The following RALGAPA2 variants were observed in gnomAD, a reference collection of about 807,000 sequenced individuals.
RALGAPA2 encodes Ral GTPase activating protein catalytic subunit alpha 2.
Under a neutral mutation model 230.4 loss-of-function variants are expected in RALGAPA2, and 139 were observed. That is an observed-to-expected ratio of 0.60 (90% confidence interval 0.53 to 0.69). The LOEUF (loss-of-function observed/expected upper bound fraction) is 0.69, where lower values mean the gene tolerates loss of function less well. Ranked by LOEUF, RALGAPA2 falls within the 30% of genes least tolerant of loss-of-function variation. The probability of loss-of-function intolerance (pLI) is 0.00; values close to 1 mark genes in which losing one functional copy is unlikely to be tolerated. For synonymous variants in RALGAPA2, 847 were observed against 837.8 expected (o/e 1.01, Z -0.19); for missense variants, 2,163 against 2,276.0 (o/e 0.95, Z 1.01).
At chr20:20,532,803 G>C (rs2063400472) in intron 26 of RALGAPA2, among the ~76,000 whole-genome samples, 1 of 152,186 alleles carries the variant, frequency 6.6e-6, no homozygotes, top group Non-Finnish European at 1.5e-5. Flanking sequence ...AGATTAGGTA[G>C]AGGAGGAGAG....
At chr20:20,568,935 C>T (rs1005684605) in intron 23 of RALGAPA2, among the ~76,000 whole-genome samples, 41 of 152,236 alleles carry the variant, frequency 2.7e-4, no homozygotes, top group African/African-American at 9.1e-4. Flanking sequence ...TAAATAAATC[C>T]TTTTGCTGCT....
chr20:20,438,469 TGA>T lies in RALGAPA2; in HGVS notation c.5496-26323_5496-26322del, dbSNP rs1187214441. Among the ~76,000 whole-genome samples the T allele has an allele frequency of 2.0e-5, 3 of 152,214 alleles. No individual in the cohort carries two copies. In the East Asian group the frequency reaches 5.8e-4, roughly 29 times the overall value. On this transcript the variant is annotated intron_variant, in intron 37 of 39. Coordinates refer to ENST00000202677, the MANE Select transcript of RALGAPA2 (RefSeq NM_020343.4). ...AAGACATCCATGGCACAAAGAAGGT[TGA>T]GAGATTGCCTTTGGGACTGACTCCC...
At chr20:20,577,899 C>T (rs985678198) in intron 20 of RALGAPA2, among the ~76,000 whole-genome samples, 1 of 152,150 alleles carries the variant, frequency 6.6e-6, no homozygotes, top group Non-Finnish European at 1.5e-5. Flanking sequence ...TCCCCAGCAT[C>T]CCAATCACAC....
chr20:20,611,289 G>A, intron 14 of RALGAPA2, 26 bp downstream of exon 14: 1 of 1,585,622 alleles, frequency 6.3e-7, no homozygotes, highest in Non-Finnish European at 8.6e-7. Flanking sequence ...TCTTGCATTT[G>A]CAGTGCTTTC....
In RALGAPA2 at chr20:20,584,956, C is replaced by T; in HGVS notation, c.2440-1G>A. On this transcript the variant is annotated splice_acceptor_variant, in intron 18 of 39. Coordinates refer to ENST00000202677, the MANE Select transcript of RALGAPA2 (RefSeq NM_020343.4). LOFTEE classifies it high-confidence loss of function. Reference sequence around the variant, plus strand: ...GGCTGCTGCTTCTTCGAACTAAGATCTTCAGACAAAAAGAAATATTGCATT... The same window carrying T: ...GGCTGCTGCTTCTTCGAACTAAGATTTTCAGACAAAAAGAAATATTGCATT... 1.9e-6 allele frequency: 3 copies of T among 1,605,454 alleles called. No homozygotes were observed. Among genetic ancestry groups the T allele is most frequent in the Non-Finnish European group, 2.6e-6 (3 of 1,175,058 alleles).
intron 39 of RALGAPA2, among the ~76,000 whole-genome samples, chr20:20,393,861 C>T (rs538447356): frequency 5.8e-4 from 89 of 152,298 alleles, no homozygotes; most frequent in Non-Finnish European, 1.1e-3. Flanking sequence ...GGGCTGCTGT[C>T]GGTGTGCTCA....
intron 14 of RALGAPA2, among the ~76,000 whole-genome samples, chr20:20,610,243 T>C (rs757563677): frequency 4.6e-5 from 7 of 152,238 alleles, no homozygotes; most frequent in South Asian, 4.1e-4. Context: ...TCTTTATTTA[T>C]GTAGAATGTA....
chr20:20,590,123 T>G (rs1326289701), intron 17 of RALGAPA2, among the ~76,000 whole-genome samples: 1 of 151,980 alleles, frequency 6.6e-6, no homozygotes, highest in Non-Finnish European at 1.5e-5. Flanking sequence ...GTGAGAACAC[T>G]TAAAATCTAC....
In RALGAPA2 at chr20:20,495,187, C is replaced by G; in HGVS notation, c.5297G>C (p.Gly1766Ala). 1 of 1,611,922 alleles carries G rather than the reference C, an allele frequency of 6.2e-7. No individual in the cohort carries two copies. Among genetic ancestry groups the G allele is most frequent in the Non-Finnish European group, 8.5e-7 (1 of 1,178,240 alleles). The change falls in exon 36 of 40, where the codon GGA (glycine) becomes GCA (alanine). Residue 1766 changes from glycine (G) to alanine (A), a missense_variant. Physicochemically the swap from Gly to Ala is moderately conservative, Grantham distance 60. Transcript: ENST00000202677. ...YRRGIIPTAF[G>A]DVSIIIYPMK... is the part of the protein sequence containing the mutation. ...TGGGTAAATAATGATTGAAACATCT[C>G]CAAAGGCAGTTGGGATAATACCCCT...
rs749223917 is a variant in RALGAPA2 at position 20,629,517 on chromosome 20, C to T, written c.1079G>A (p.Ser360Asn). The change falls in exon 10 of 40, where the codon AGC becomes AAC. Residue 360 changes from serine (S) to asparagine (N), a missense_variant. Coordinates refer to ENST00000202677, the MANE Select transcript of RALGAPA2 (RefSeq NM_020343.4). ...CGACAAGGTGCTGCTGTTAGAATGG[C>T]TTTTGTCCTGCTCCGTGGGCCCACC... ...DGGGPTEQDK[S>N]HSNSSTLSDR... 5.0e-6 allele frequency: 8 copies of T among 1,613,836 alleles called. No homozygotes were observed. In the South Asian group the frequency reaches 7.7e-5, roughly 16 times the overall value.
At chr20:20,620,919 G>A (rs2146348795) in intron 10 of RALGAPA2, among the ~76,000 whole-genome samples, 1 of 152,284 alleles carries the variant, frequency 6.6e-6, no homozygotes, top group East Asian at 1.9e-4. Flanking sequence ...AAGGCAGGCG[G>A]ATCATGAGGT....
In RALGAPA2 at chr20:20,440,175, C is replaced by T. The variant is rs761254998; in HGVS notation, c.5496-28027G>A. On this transcript the variant is annotated intron_variant, in intron 37 of 39. Coordinates refer to ENST00000202677, the MANE Select transcript of RALGAPA2 (RefSeq NM_020343.4). ...GAGTTAAATATAGATGCTTGTAGGG[C>T]TTTATAAAGGAAGATAGAGAAAGCA... Among the ~76,000 whole-genome samples the T allele has an allele frequency of 1.2e-3, 182 of 152,168 alleles. 2 individuals carry two copies. The highest frequency in any genetic ancestry group is 2.2e-3 in the Non-Finnish European group (152 of 68,008).
In RALGAPA2 at chr20:20,611,302, A is replaced by T. The variant is rs2065967554; in HGVS notation, c.1800+13T>A. ...TTTCTTGCATTTGCAGTGCTTTCAT[A>T]AAAAAGACTTACCCTAAATAGTAAC... On this transcript the variant is annotated intron_variant, in intron 14 of 39. Coordinates refer to ENST00000202677, the MANE Select transcript of RALGAPA2 (RefSeq NM_020343.4). 1 of 1,591,728 alleles carries T rather than the reference A, an allele frequency of 6.3e-7. No individual in the cohort carries two copies. Among genetic ancestry groups the T allele is most frequent in the Non-Finnish European group, 8.6e-7 (1 of 1,168,394 alleles).
rs1200017103 is a variant in RALGAPA2, at chr20:20,620,614, G to A, written c.1250C>T (p.Ser417Phe). The A allele has an allele frequency of 6.2e-6, 10 of 1,609,364 alleles. No individual in the cohort carries two copies. The highest frequency in any genetic ancestry group is 7.6e-6 in the Non-Finnish European group (9 of 1,178,350). ...TTTTCTTGTTACAGCTATCTCACAG[G>A]AAGGCAACAAAAATGCCTGAAAGGA... ...EVFHQAFLLP[S>F]CEIAVTRKVV... Residue 417 changes from serine (S) to phenylalanine (F), a missense_variant, in exon 11 of 40, where the codon TCC becomes TTC. Coordinates refer to ENST00000202677, the MANE Select transcript of RALGAPA2 (RefSeq NM_020343.4).
intron 21 of RALGAPA2, among the ~76,000 whole-genome samples, 177 bp from the exon 22 acceptor site, chr20:20,572,123 T>G (rs2064662963): frequency 6.6e-6 from 1 of 152,234 alleles, no homozygotes; most frequent in Admixed American, 6.5e-5. Context: ...CATGTTTGGC[T>G]TACTGTATGT....
rs1248600076 is a variant in RALGAPA2 at position 20,531,817 on chromosome 20, G to A, written c.3474-22C>T. The A allele has an allele frequency of 3.3e-6, 5 of 1,522,236 alleles. No homozygotes were observed. In the African/African-American group the frequency reaches 6.9e-5, roughly 21 times the overall value. The allele number at this position is 1,522,236 out of a possible 1,614,324, so 94.3% of individuals were successfully genotyped here. A position where few individuals can be genotyped will look rare whatever the true frequency, so the allele number is the denominator to read the frequency against. On this transcript the variant is annotated intron_variant, in intron 26 of 39. Transcript: ENST00000202677. ...GCATCTTTTTAAAAAGAAGAAAACA[G>A]AGGAAAACTCTCATGAAACTTAATA...
At position 20,711,256 on chromosome 20, in the gene RALGAPA2, A is replaced by G. The variant is rs1032535890; in HGVS notation, c.106+1119T>C. Among the ~76,000 whole-genome samples, 3 of 152,200 alleles carry G rather than the reference A, an allele frequency of 2.0e-5. No individual in the cohort carries two copies. In the East Asian group the frequency reaches 5.8e-4, roughly 29 times the overall value. ...ATCAGCAACTTCTGATCTCATGAACAAGATCTTTATTTAAAATCTTCACAC... is the reference window on the plus strand; with the variant it reads ...ATCAGCAACTTCTGATCTCATGAACGAGATCTTTATTTAAAATCTTCACAC... On this transcript the variant is annotated intron_variant, in intron 1 of 39. Coordinates refer to ENST00000202677, the MANE Select transcript of RALGAPA2 (RefSeq NM_020343.4).
intron 1 of RALGAPA2, among the ~76,000 whole-genome samples, chr20:20,696,574 C>T (rs1473499838): frequency 6.6e-6 from 1 of 152,034 alleles, no homozygotes; most frequent in Non-Finnish European, 1.5e-5. Context: ...AAGTTCCACA[C>T]CATCTTATCC....
At chr20:20,484,494 TA>T (rs1317574464) in intron 36 of RALGAPA2, among the ~76,000 whole-genome samples, 1 of 152,130 alleles carries the variant, frequency 6.6e-6, no homozygotes, top group African/African-American at 2.4e-5. Flanking sequence ...GACTGATTTA[TA>T]TTCTATTTTG....
Sources: gnomAD v4.1 joint callset for allele counts (sites outside exome capture counted in the v4.1 genomes callset) on GRCh38, gnomAD v4.1.1 for gene constraint, MANE v1.5 for transcripts, NCBI Gene and HGNC (gene_info 2026-07-23, HGNC 2026-07-21) for gene names.